CNTNAP2: variants seen among roughly 807,000 people sequenced by gnomAD.
CNTNAP2 encodes contactin associated protein 2.
A neutral mutation model predicts 155.2 loss-of-function variants in CNTNAP2; 98 were observed. The observed-to-expected ratio is 0.63, with a 90% confidence interval of 0.54 to 0.75. The LOEUF is 0.75. CNTNAP2 is among the 30% of genes least tolerant of loss of function. The pLI, the probability that CNTNAP2 is intolerant of heterozygous loss-of-function variation, is 0.00. For synonymous variants in CNTNAP2, 651 were observed against 631.2 expected, an observed-to-expected ratio of 1.03 and a Z score of -0.47; for missense variants, 1,727 against 1,688.1, an observed-to-expected ratio of 1.02 and a Z score of -0.40.
chr7:146,391,576 C>G (rs1021469614), intron 1 of CNTNAP2, among the ~76,000 whole-genome samples: 1 of 152,130 alleles, frequency 6.6e-6, no homozygotes, highest in Non-Finnish European at 1.5e-5. Context: ...CAACTTTGAT[C>G]TTATACATTA....
intron 19 of CNTNAP2, among the ~76,000 whole-genome samples, chr7:148,224,158 T>C (rs563599082): frequency 2.0e-5 from 3 of 152,242 alleles, no homozygotes; most frequent in African/African-American, 7.2e-5. Context: ...AAGGCAGCTG[T>C]ATATTTAAGA....
At chr7:148,024,946 A>G (rs1030265931) in intron 15 of CNTNAP2, among the ~76,000 whole-genome samples, 3 of 152,056 alleles carry the variant, frequency 2.0e-5, no homozygotes, top group African/African-American at 7.2e-5. Flanking sequence ...GAGGAATCTC[A>G]CCTGACTCCA....
chr7:146,514,019 G>C (rs886920308), intron 1 of CNTNAP2, among the ~76,000 whole-genome samples: 1 of 151,566 alleles, frequency 6.6e-6, no homozygotes, highest in African/African-American at 2.4e-5. Context: ...TTTAACTTCA[G>C]TACTTTTTAT....
intron 8 of CNTNAP2, among the ~76,000 whole-genome samples, chr7:147,258,789 T>G (rs1457761610): frequency 6.6e-6 from 1 of 152,200 alleles, no homozygotes; most frequent in Non-Finnish European, 1.5e-5. Flanking sequence ...ATTCCACGTC[T>G]AGTGCTCTAG....
intron 9 of CNTNAP2, among the ~76,000 whole-genome samples, chr7:147,332,761 C>G (rs1795594972): frequency 1.3e-5 from 2 of 152,074 alleles, no homozygotes; most frequent in African/African-American, 4.8e-5. Context: ...ACTCGGGAGG[C>G]TGAGGCAGGG....
chr7:147,831,755 T>A (rs1415600239), intron 13 of CNTNAP2: 1 of 152,204 alleles, frequency 6.6e-6, no homozygotes, highest in Non-Finnish European at 1.5e-5. Context: ...GCTTAACAGA[T>A]TTAAATGTTA....
intron 20 of CNTNAP2, among the ~76,000 whole-genome samples, chr7:148,253,729 G>A (rs1796411197): frequency 6.6e-6 from 1 of 152,192 alleles, no homozygotes; most frequent in Non-Finnish European, 1.5e-5. Flanking sequence ...TGGCCCATGG[G>A]ATGAGTGTAC....
chr7:147,024,516 A>T (rs949131540), intron 3 of CNTNAP2, among the ~76,000 whole-genome samples: 3 of 152,234 alleles, frequency 2.0e-5, no homozygotes, highest in Non-Finnish European at 4.4e-5. Context: ...GTTGTAAAGA[A>T]ATATTGAGAC....
chr7:147,499,088 T>A (rs1486872264), intron 11 of CNTNAP2, among the ~76,000 whole-genome samples: 1 of 152,210 alleles, frequency 6.6e-6, no homozygotes, highest in East Asian at 1.9e-4. Context: ...AAAATCATAT[T>A]TGAATCTTGA....
At chr7:146,259,582 G>T (rs545400963) in intron 1 of CNTNAP2, among the ~76,000 whole-genome samples, 1 of 152,220 alleles carries the variant, frequency 6.6e-6, no homozygotes, top group East Asian at 1.9e-4. Context: ...CCCTGCCCTA[G>T]AGCTCTGTGG....
chr7:147,233,669 A>G (rs1392420169), intron 8 of CNTNAP2, among the ~76,000 whole-genome samples: 1 of 151,984 alleles, frequency 6.6e-6, no homozygotes, highest in Non-Finnish European at 1.5e-5. Flanking sequence ...ATACACACAC[A>G]TACACATACA....
chr7:147,363,735 T>C (rs1796181870), intron 9 of CNTNAP2, among the ~76,000 whole-genome samples: 1 of 151,988 alleles, frequency 6.6e-6, no homozygotes, highest in South Asian at 2.1e-4. Context: ...ATGGCATTTA[T>C]AGGGCCTTAG....
intron 9 of CNTNAP2, among the ~76,000 whole-genome samples, chr7:147,393,728 T>TAC (rs964323554): frequency 2.6e-5 from 4 of 151,626 alleles, no homozygotes; most frequent in South Asian, 2.1e-4. Context: ...AAAATACACA[T>TAC]ACACACACAC....
chr7:146,897,960 A>T (rs1795911742), intron 3 of CNTNAP2, among the ~76,000 whole-genome samples: 2 of 152,106 alleles, frequency 1.3e-5, no homozygotes, highest in Non-Finnish European at 2.9e-5. Context: ...ATCTAAAAAC[A>T]ATTCAGTGAA....
At chr7:146,856,802 A>G (rs1483294316) in intron 3 of CNTNAP2, among the ~76,000 whole-genome samples, 1 of 152,188 alleles carries the variant, frequency 6.6e-6, no homozygotes, top group Non-Finnish European at 1.5e-5. Flanking sequence ...AAAATTGAAG[A>G]ATATTCTATG....
At chr7:147,155,502 C>T (rs1289576921) in intron 8 of CNTNAP2, among the ~76,000 whole-genome samples, 1 of 151,912 alleles carries the variant, frequency 6.6e-6, no homozygotes, top group Admixed American at 6.6e-5. Context: ...GAACCGGTAC[C>T]CAGACTTCTG....
chr7:147,116,979 G>A (rs924663604), intron 5 of CNTNAP2, among the ~76,000 whole-genome samples: 5 of 152,280 alleles, frequency 3.3e-5, no homozygotes, highest in Admixed American at 6.5e-5. Context: ...ACCTCTCCTC[G>A]AGGCTCCATC....
chr7:147,077,511 T>G (rs2129267299), intron 4 of CNTNAP2, among the ~76,000 whole-genome samples: 1 of 152,306 alleles, frequency 6.6e-6, no homozygotes, highest in East Asian at 1.9e-4. Flanking sequence ...TCCTGAAACC[T>G]TATCTAATAG....
chr7:147,332,623 G>A (rs757055112), intron 9 of CNTNAP2, among the ~76,000 whole-genome samples: 19 of 152,076 alleles, frequency 1.2e-4, no homozygotes, highest in South Asian at 4.1e-4. Flanking sequence ...CAGCACTTTG[G>A]GAGACCAAGA....
Sources: gnomAD v4.1 joint callset for allele counts (sites outside exome capture counted in the v4.1 genomes callset) on GRCh38, gnomAD v4.1.1 for gene constraint, MANE v1.5 for transcripts, NCBI Gene and HGNC (gene_info 2026-07-23, HGNC 2026-07-21) for gene names.